The following ACADM variants were observed in gnomAD, a reference collection of about 807,000 sequenced individuals.
ACADM encodes the protein acyl-CoA dehydrogenase medium chain.
A neutral mutation model predicts 58.9 loss-of-function variants in ACADM; 49 were observed. That is an observed-to-expected ratio of 0.83 (90% confidence interval 0.66 to 1.06). ACADM has a LOEUF of 1.06. Among genes scored for constraint, ACADM ranks in the 50% least tolerant of loss-of-function variants. ACADM has a pLI of 0.00. For missense variants in ACADM, 496 were observed against 507.0 expected, an observed-to-expected ratio of 0.98 and a Z score of 0.21; for synonymous variants, 160 against 157.7, an observed-to-expected ratio of 1.01 and a Z score of -0.11.
intron 10 of ACADM, among the ~76,000 whole-genome samples, chr1:75,756,657 G>A (rs139835383): frequency 0.02 from 3,029 of 152,216 alleles, 119 homozygotes; most frequent in African/African-American, 0.068. Context: ...TATAGATTCA[G>A]TGCCATCCCC....
At chr1:75,760,856 C>G (rs1648805821) in intron 10 of ACADM, among the ~76,000 whole-genome samples, 1 of 151,960 alleles carries the variant, frequency 6.6e-6, no homozygotes, top group Non-Finnish European at 1.5e-5. Flanking sequence ...AATATGTTAA[C>G]ATTAGAGGAA....
chr1:75,746,031 G>A, intron 8 of ACADM, 117 bp downstream of exon 8: 1 of 764,376 alleles, frequency 1.3e-6, no homozygotes, highest in Admixed American at 2.3e-5. Flanking sequence ...TAAAAATAAA[G>A]CTATGTTTTG....
In ACADM at chr1:75,743,833, A is replaced by G. The variant is rs558137602; in HGVS notation, c.600-1973A>G. 4.8e-5 allele frequency: 68 copies of G among 1,416,924 alleles called. No individual in the cohort carries two copies. The Admixed American group carries it at 6.5e-4, about 14-fold the overall frequency. 87.8% of individuals were successfully genotyped at this position (1,416,924 alleles called of 1,614,324 possible). On this transcript the variant is annotated intron_variant, in intron 7 of 11. Transcript: ENST00000370841. ...GGTGGCCACTGCAACACTGATGTCA[A>G]TATAATCCCTATATACCACCTCTTT... is the stretch of plus-strand genomic sequence containing the variant.
chr1:75,735,841 C>CAA lies in ACADM; in HGVS notation c.468+983_468+984dup, dbSNP rs11421630. Among the ~76,000 whole-genome samples the CAA allele has an allele frequency of 8.2e-4, 109 of 133,342 alleles. 2 individuals carry two copies. Among genetic ancestry groups the CAA allele is most frequent in the South Asian group, 2.2e-3 (9 of 4,154 alleles). The allele number at this position is 133,342 out of a possible 152,430, so 87.5% of individuals were successfully genotyped here. On this transcript the variant is annotated intron_variant, in intron 6 of 11. Coordinates refer to ENST00000370841, the MANE Select transcript of ACADM (RefSeq NM_000016.6). ...TGGGCAACAGAGTGAGACTCTGTCTCAAAAAAAAAAAAAAGCAATTAATGT... is the reference window on the plus strand; with the variant it reads ...TGGGCAACAGAGTGAGACTCTGTCTCAAAAAAAAAAAAAAAAGCAATTAATGT...
intron 7 of ACADM, among the ~76,000 whole-genome samples, chr1:75,742,921 C>CTTTTCTTCT (rs200844531): frequency 0.24 from 35,791 of 152,066 alleles, 4,566 homozygotes; most frequent in Non-Finnish European, 0.3. Context: ...AAAGCAGCAC[C>CTTTTCTTCT]TCTTTGCCTG....
At chr1:75,735,008 T>G in intron 6 of ACADM, 137 bp downstream of exon 6, 1 of 729,762 alleles carries the variant, frequency 1.4e-6, no homozygotes, top group East Asian at 2.7e-5. Flanking sequence ...TACAATGATG[T>G]GTCAAGGATG....
At chr1:75,755,775 G>A (rs568444266) in intron 10 of ACADM, among the ~76,000 whole-genome samples, 1 of 152,334 alleles carries the variant, frequency 6.6e-6, no homozygotes, top group South Asian at 2.1e-4. Flanking sequence ...CGAGTTGAGA[G>A]AAGAAGGCTT....
chr1:75,745,202 G>A (rs1570885597), intron 7 of ACADM, among the ~76,000 whole-genome samples: 1 of 152,088 alleles, frequency 6.6e-6, no homozygotes, highest in East Asian at 1.9e-4. Context: ...TTATGTAAAT[G>A]TAGGCCAGGC....
At chr1:75,732,769 A>G (rs1647168069) in intron 3 of ACADM, 28 bp downstream of exon 3, 2 of 1,606,012 alleles carry the variant, frequency 1.2e-6, no homozygotes, top group South Asian at 2.2e-5. Flanking sequence ...AAAGAGGGAA[A>G]AATCTTTTAC....
In ACADM at chr1:75,743,764, A is replaced by G. The variant is rs1472707110; in HGVS notation, c.600-2042A>G. On this transcript the variant is annotated intron_variant, in intron 7 of 11. Transcript: ENST00000370841. The stretch of plus-strand genomic sequence containing the variant: ...GGTCTGTTCAATATCTGCATAATTC[A>G]TAGCTTCCACATTCCTGATGACTGG... The G allele has an allele frequency of 2.6e-6, 4 of 1,552,690 alleles. No homozygotes were observed. In the South Asian group the frequency reaches 3.3e-5, roughly 13 times the overall value.
intron 4 of ACADM, 29 bp from the exon 5 acceptor site, chr1:75,733,499 C>T: frequency 6.5e-7 from 1 of 1,544,438 alleles, no homozygotes; most frequent in Non-Finnish European, 9.0e-7. Context: ...CTACATATTA[C>T]AATGTGTTGA....
chr1:75,757,956 A>T (rs1227806539), intron 10 of ACADM, among the ~76,000 whole-genome samples: 3 of 145,746 alleles, frequency 2.1e-5, no homozygotes, highest in Non-Finnish European at 4.6e-5. Context: ...TGGGGTTCCC[A>T]TGACCTCATC....
rs538725969 is a variant in ACADM at position 75,746,010 on chromosome 1, T to G, written c.708+96T>G. 6.9e-6 allele frequency: 6 copies of G among 875,090 alleles called. No homozygotes were observed. In the African/African-American group the frequency reaches 1.0e-4, roughly 15 times the overall value. The allele number at this position is 875,090 out of a possible 1,614,324, so 54.2% of individuals were successfully genotyped here. A position where few individuals can be genotyped will look rare whatever the true frequency, so the allele number is the denominator to read the frequency against. On this transcript the variant is annotated intron_variant, in intron 8 of 11. Coordinates refer to ENST00000370841, the MANE Select transcript of ACADM (RefSeq NM_000016.6). The stretch of plus-strand genomic sequence containing the variant: ...CCTTTAATAAAAACATTTGTTTGTA[T>G]TAAGTTGGAGTAAAAATAAAGCTAT...
chr1:75,743,867 CATCA>C (rs1647730079), intron 7 of ACADM: 6 of 1,419,210 alleles, frequency 4.2e-6, no homozygotes, highest in Middle Eastern at 1.7e-4. Flanking sequence ...TTGGTTATAT[CATCA>C]ATCACTGCGT....
At chr1:75,725,722 A>AT (rs1405725648) in intron 1 of ACADM, among the ~76,000 whole-genome samples, 1 of 152,232 alleles carries the variant, frequency 6.6e-6, no homozygotes, top group Non-Finnish European at 1.5e-5. Context: ...TTGGAATTTC[A>AT]TTGTTCTAGA....
chr1:75,725,206 A>G (rs1395062010), intron 1 of ACADM, among the ~76,000 whole-genome samples: 1 of 152,080 alleles, frequency 6.6e-6, no homozygotes, highest in Non-Finnish European at 1.5e-5. Context: ...ATGTTTAATA[A>G]GCTTTTCGTT....
rs372525651 is a variant in ACADM, at chr1:75,734,777, A to G, written c.388-14A>G. 1.8e-5 allele frequency: 29 copies of G among 1,601,588 alleles called. No individual in the cohort carries two copies. Among genetic ancestry groups the G allele is most frequent in the Admixed American group, 3.3e-5 (2 of 59,930 alleles). ...AAAATGACTTGATTTTTTAATGTCA[A>G]TTTTCTTCGGTAGCAAATGCCTATT... On this transcript the variant is annotated splice_polypyrimidine_tract_variant and intron_variant, in intron 5 of 11. Transcript: ENST00000370841.
intron 8 of ACADM, 148 bp from the exon 9 acceptor site, chr1:75,749,271 C>G (rs775428474): frequency 8.0e-6 from 6 of 745,910 alleles, no homozygotes; most frequent in African/African-American, 1.8e-5. Flanking sequence ...GTATTCCAAT[C>G]AGGCTTTCTT....
intron 7 of ACADM, among the ~76,000 whole-genome samples, chr1:75,741,483 CA>C (rs1280607841): frequency 6.6e-6 from 1 of 152,100 alleles, no homozygotes; most frequent in Non-Finnish European, 1.5e-5. Context: ...ACGGATTAGC[CA>C]GGTGCAATCA....
Sources: gnomAD v4.1 joint callset for allele counts (sites outside exome capture counted in the v4.1 genomes callset) on GRCh38, gnomAD v4.1.1 for gene constraint, MANE v1.5 for transcripts, NCBI Gene and HGNC (gene_info 2026-07-23, HGNC 2026-07-21) for gene names.